The following ZNF609 variants were observed in gnomAD, a reference collection of about 807,000 sequenced individuals.
ZNF609 encodes zinc finger protein 609.
A neutral mutation model predicts 109.5 loss-of-function variants in ZNF609; 11 were observed. The ratio of observed to expected loss-of-function variants is 0.10; its 90% CI spans 0.06 to 0.17. The LOEUF (loss-of-function observed/expected upper bound fraction) is 0.17. Among genes scored for constraint, ZNF609 ranks in the 10% least tolerant of loss-of-function variants. The probability of loss-of-function intolerance (pLI) is 1.00; values close to 1 mark genes in which losing one functional copy is unlikely to be tolerated. For synonymous variants in ZNF609, 646 were observed against 662.0 expected (o/e 0.98, Z 0.37); for missense variants, 1,559 against 1,772.4 (o/e 0.88, Z 2.16).
intron 2 of ZNF609, among the ~76,000 whole-genome samples, chr15:64,506,883 C>T (rs1893645264): frequency 1.3e-5 from 2 of 152,272 alleles, no homozygotes; most frequent in South Asian, 4.1e-4. Context: ...TACTGAAATA[C>T]AACAACATTC....
chr15:64,638,233 A>T (rs1896206139), intron 3 of ZNF609, among the ~76,000 whole-genome samples: 1 of 151,322 alleles, frequency 6.6e-6, no homozygotes, highest in South Asian at 2.1e-4. Context: ...GGGTTTATTT[A>T]TGGGTTCTCT....
At chr15:64,613,396 AG>A (rs958343563) in intron 2 of ZNF609, among the ~76,000 whole-genome samples, 1 of 152,150 alleles carries the variant, frequency 6.6e-6, no homozygotes, top group African/African-American at 2.4e-5. Flanking sequence ...GGATTTACTC[AG>A]GGTATTCTGT....
chr15:64,462,035 C>G (rs983711215), intron 1 of ZNF609, among the ~76,000 whole-genome samples: 1 of 152,190 alleles, frequency 6.6e-6, no homozygotes, highest in African/African-American at 2.4e-5. Context: ...GTCCCTCTCA[C>G]CCGCCTATTG....
chr15:64,591,205 G>A (rs1359172072), intron 2 of ZNF609, among the ~76,000 whole-genome samples: 1 of 152,106 alleles, frequency 6.6e-6, no homozygotes, highest in Admixed American at 6.6e-5. Context: ...CAAGGCTGGC[G>A]GATCATGAGG....
chr15:64,485,782 C>CA (rs1435808236), intron 1 of ZNF609, among the ~76,000 whole-genome samples: 1 of 152,144 alleles, frequency 6.6e-6, no homozygotes, highest in African/African-American at 2.4e-5. Context: ...CCTGGCAAAA[C>CA]AGCAAGACTG....
chr15:64,676,558 G>A (rs756015110), intron 5 of ZNF609, among the ~76,000 whole-genome samples: 1 of 151,394 alleles, frequency 6.6e-6, no homozygotes, highest in East Asian at 1.9e-4. Flanking sequence ...AGCCTCCCGA[G>A]TAGCTGAGAT....
rs546910930 is a variant in ZNF609, at chr15:64,598,432, C to T, written c.748-24395C>T. ...CATCCAGCCTCTATCTGCTGATCTACGCATTTTATGAGTTGTATATACTTA... is the reference window on the plus strand; with the variant it reads ...CATCCAGCCTCTATCTGCTGATCTATGCATTTTATGAGTTGTATATACTTA... On this transcript the variant is annotated intron_variant, in intron 2 of 9. Coordinates refer to ENST00000326648, the MANE Select transcript of ZNF609 (RefSeq NM_015042.2). 7.9e-5 allele frequency among the ~76,000 whole-genome samples: 12 copies of T among 152,108 alleles called. No homozygotes were observed. In the East Asian group the frequency reaches 1.5e-3, roughly 20 times the overall value.
chr15:64,667,137 A>G (rs908833180), intron 3 of ZNF609, among the ~76,000 whole-genome samples: 1 of 152,178 alleles, frequency 6.6e-6, no homozygotes, highest in Non-Finnish European at 1.5e-5. Flanking sequence ...TCTCAAAAAA[A>G]CAAAACAAAC....
chr15:64,650,146 G>T (rs996568905), intron 3 of ZNF609, among the ~76,000 whole-genome samples: 7 of 150,910 alleles, frequency 4.6e-5, no homozygotes, highest in Non-Finnish European at 1.0e-4. Context: ...GCCCATGCCT[G>T]TAATCCTAGC....
At chr15:64,567,493 A>C (rs1406477456) in intron 2 of ZNF609, among the ~76,000 whole-genome samples, 1 of 151,868 alleles carries the variant, frequency 6.6e-6, no homozygotes, top group East Asian at 1.9e-4. Context: ...AAAAAAAAAC[A>C]AAAAACATTC....
At chr15:64,664,950 G>A (rs528069919) in intron 3 of ZNF609, among the ~76,000 whole-genome samples, 1 of 152,238 alleles carries the variant, frequency 6.6e-6, no homozygotes, top group African/African-American at 2.4e-5. Flanking sequence ...GTGCTCATCT[G>A]CCCTTATAAA....
In ZNF609 at chr15:64,675,578, T is replaced by C. The variant is rs1896797176; in HGVS notation, c.2724T>C (p.Pro908=). 6.2e-7 allele frequency: 1 copy of C among 1,614,008 alleles called. No homozygotes were observed. The highest frequency in any genetic ancestry group is 1.3e-5 in the African/African-American group (1 of 74,902). The stretch of plus-strand genomic sequence containing the variant: ...CTCCAAGTTATGCACAGTCCAGCCC[T>C]GGGGCTCTGAACCCCAGCAGCCAGG... The part of the protein sequence containing the change: ...YYSPSYAQSS[P]GALNPSSQAG... Residue 908 remains proline, a synonymous_variant, in exon 5 of 10, where the codon CCT becomes CCC. Transcript: ENST00000326648.
At chr15:64,509,930 T>A (rs1893694799) in intron 2 of ZNF609, among the ~76,000 whole-genome samples, 1 of 152,206 alleles carries the variant, frequency 6.6e-6, no homozygotes, top group Admixed American at 6.5e-5. Context: ...TGAAGTACTG[T>A]AGTCCCCCCA....
At position 64,566,479 on chromosome 15, in the gene ZNF609, T is replaced by G. The variant is rs117779964; in HGVS notation, c.748-56348T>G. Among the ~76,000 whole-genome samples, 320 of 152,348 alleles carry G rather than the reference T, an allele frequency of 2.1e-3. 4 individuals are homozygous for G. In the East Asian group the frequency reaches 0.051, roughly 24 times the overall value. On this transcript the variant is annotated intron_variant, in intron 2 of 9. Transcript: ENST00000326648. ...AAAGGAGACACTCTGTGTAGGTAGG[T>G]ACTTCAAAATATGTGTAAGTGTAAT... is the stretch of plus-strand genomic sequence containing the variant.
At chr15:64,587,482 G>A (rs1432886307) in intron 2 of ZNF609, among the ~76,000 whole-genome samples, 3 of 152,062 alleles carry the variant, frequency 2.0e-5, no homozygotes, top group Non-Finnish European at 4.4e-5. Context: ...TAATAAAAAG[G>A]GATGAAACAT....
rs544300835 is a variant in ZNF609, at chr15:64,590,964, C to T, written c.748-31863C>T. On this transcript the variant is annotated intron_variant, in intron 2 of 9. Coordinates refer to ENST00000326648, the MANE Select transcript of ZNF609 (RefSeq NM_015042.2). ...TCCTGAGAAGAGTAAATAAACTACCCTGGAAATGTAGGCAATACCATAGAG... is the reference window on the plus strand; with the variant it reads ...TCCTGAGAAGAGTAAATAAACTACCTTGGAAATGTAGGCAATACCATAGAG... Among the ~76,000 whole-genome samples, 14 of 152,204 alleles carry T rather than the reference C, an allele frequency of 9.2e-5. No homozygotes were observed. The South Asian group carries it at 2.9e-3, about 32-fold the overall frequency.
intron 1 of ZNF609, among the ~76,000 whole-genome samples, chr15:64,481,292 G>C (rs1893248898): frequency 6.6e-6 from 1 of 151,720 alleles, no homozygotes; most frequent in South Asian, 2.1e-4. Context: ...AGAGGCTGTG[G>C]AGAGAAGAAA....
At chr15:64,593,051 A>C in intron 2 of ZNF609, 1 of 1,587,766 alleles carries the variant, frequency 6.3e-7, no homozygotes, top group South Asian at 1.1e-5. Flanking sequence ...TCGCTGCACT[A>C]ACTGTGCCCG....
intron 4 of ZNF609, among the ~76,000 whole-genome samples, chr15:64,672,869 C>T (rs1222071973): frequency 6.7e-6 from 1 of 149,576 alleles, no homozygotes; most frequent in African/African-American, 2.5e-5. Flanking sequence ...GAGCCTGAGG[C>T]AGGAGAACCA....
Sources: gnomAD v4.1 joint callset for allele counts (sites outside exome capture counted in the v4.1 genomes callset) on GRCh38, gnomAD v4.1.1 for gene constraint, MANE v1.5 for transcripts, NCBI Gene and HGNC (gene_info 2026-07-23, HGNC 2026-07-21) for gene names.